Variants in SLIT3 observed in about 807,000 individuals in gnomAD.
SLIT3 encodes the protein slit homolog 3 protein.
A neutral mutation model predicts 184.0 loss-of-function variants in SLIT3; 68 were observed. The observed-to-expected ratio is 0.37, with a 90% CI of 0.30 to 0.45. The LOEUF is 0.45. Among genes scored for constraint, SLIT3 ranks in the 20% least tolerant of loss-of-function variants. The pLI is 1.00. For missense variants in SLIT3, 1,707 were observed against 2,026.0 expected (o/e 0.84, Z 3.02); for synonymous variants, 831 against 828.6 (o/e 1.00, Z -0.05).
chr5:169,300,650 C>A lies in SLIT3; in HGVS notation c.60G>T (p.Leu20Phe). The A allele has an allele frequency of 1.4e-6, 2 of 1,467,514 alleles. No individual in the cohort carries two copies. Among genetic ancestry groups the A allele is most frequent in the South Asian group, 1.3e-5 (1 of 75,896 alleles). 90.9% of individuals were successfully genotyped at this position (1,467,514 alleles called of 1,614,324 possible). A position where few individuals can be genotyped will look rare whatever the true frequency, so the allele number is the denominator to read the frequency against. Residue 20 changes from leucine to phenylalanine, a missense_variant, in exon 1 of 36, where the codon TTG becomes TTT. By Grantham distance (22) the Leu-to-Phe change is conservative. Coordinates refer to ENST00000519560, the MANE Select transcript of SLIT3 (RefSeq NM_003062.4). The surrounding 1 kb of genome is among the most constrained non-coding windows in gnomAD (Gnocchi z 4.1). ...AAVRARLALA[L>F]ALASVLSGPP... ...GCCCACTCAGGACGCTCGCCAGCGC[C>A]AAGGCCAGCGCCAGGCGGGCGCGCA...
chr5:169,101,233 T>A (rs1345929923), intron 4 of SLIT3, among the ~76,000 whole-genome samples: 1 of 152,158 alleles, frequency 6.6e-6, no homozygotes, highest in Non-Finnish European at 1.5e-5. Flanking sequence ...GCACAATATT[T>A]AGTCCAGAAG....
intron 20 of SLIT3, among the ~76,000 whole-genome samples, chr5:168,740,660 G>A (rs1763599728): frequency 6.6e-6 from 1 of 152,134 alleles, no homozygotes; most frequent in Admixed American, 6.5e-5. Flanking sequence ...TCCACCCCAG[G>A]AAGACGGTTT....
intron 4 of SLIT3, among the ~76,000 whole-genome samples, chr5:169,014,006 A>C (rs1276264981): frequency 6.6e-6 from 1 of 152,142 alleles, no homozygotes; most frequent in Admixed American, 6.5e-5. Context: ...GAGAAGGATA[A>C]AAGTCATAAA....
At chr5:169,104,731 G>A (rs1222544227) in intron 4 of SLIT3, among the ~76,000 whole-genome samples, 2 of 152,150 alleles carry the variant, frequency 1.3e-5, no homozygotes, top group East Asian at 3.9e-4. Flanking sequence ...TGGTCTCCTG[G>A]CAACCAAGGA....
At chr5:169,008,764 T>G (rs1336001548) in intron 4 of SLIT3, among the ~76,000 whole-genome samples, 1 of 152,176 alleles carries the variant, frequency 6.6e-6, no homozygotes, top group African/African-American at 2.4e-5. Context: ...CATCCTCTTT[T>G]TCAAATGGAA....
At chr5:169,073,136 C>T (rs978793118) in intron 4 of SLIT3, among the ~76,000 whole-genome samples, 5 of 152,208 alleles carry the variant, frequency 3.3e-5, no homozygotes, top group Non-Finnish European at 7.3e-5. Flanking sequence ...CCTTTTCATA[C>T]ACCGCCACCT....
At chr5:168,977,619 A>C (rs911261611) in intron 4 of SLIT3, among the ~76,000 whole-genome samples, 38 of 152,120 alleles carry the variant, frequency 2.5e-4, no homozygotes, top group Non-Finnish European at 5.3e-4. Flanking sequence ...ACTAGCGCTG[A>C]TGCCTGGGTC....
intron 4 of SLIT3, among the ~76,000 whole-genome samples, chr5:168,992,621 T>G (rs1411318155): frequency 1.3e-5 from 2 of 152,090 alleles, no homozygotes; most frequent in Non-Finnish European, 2.9e-5. Context: ...CTGGTCAGGT[T>G]GGAAAGGAAG....
intron 4 of SLIT3, among the ~76,000 whole-genome samples, chr5:168,998,728 C>T (rs1485337976): frequency 2.0e-5 from 3 of 151,784 alleles, no homozygotes; most frequent in Non-Finnish European, 4.4e-5. Context: ...CAAAACAAAA[C>T]AAAACAAAAC....
intron 5 of SLIT3, among the ~76,000 whole-genome samples, chr5:168,846,883 G>A (rs1452966937): frequency 6.6e-6 from 1 of 152,196 alleles, no homozygotes; most frequent in Non-Finnish European, 1.5e-5. Context: ...AATCTGCAGG[G>A]AAGAAGAAAA....
At chr5:169,232,514 C>T (rs536120669) in intron 3 of SLIT3, among the ~76,000 whole-genome samples, 2 of 152,282 alleles carry the variant, frequency 1.3e-5, no homozygotes, top group Admixed American at 1.3e-4. Flanking sequence ...CACAAACCAG[C>T]ACTCCCGGCC....
intron 15 of SLIT3, among the ~76,000 whole-genome samples, chr5:168,761,834 A>C (rs969564170): frequency 6.6e-6 from 1 of 150,426 alleles, no homozygotes; most frequent in Non-Finnish European, 1.5e-5. Flanking sequence ...GAATTCCTAG[A>C]CTCATGTGAT....
At chr5:168,986,863 A>G (rs548895265) in intron 4 of SLIT3, among the ~76,000 whole-genome samples, 2 of 152,282 alleles carry the variant, frequency 1.3e-5, no homozygotes, top group Admixed American at 6.5e-5. Flanking sequence ...TGTGGGTTTA[A>G]CTCATGATAT....
chr5:168,673,255 C>A lies in SLIT3; in HGVS notation c.3763G>T (p.Asp1255Tyr). ...CCCAGGCTCTTTGGAGTTCCTTTGT[C>A]CACTACTAGGTTCAGGGTCTGGTTT... ...TLNQTLNLVVDKGTPKSLGKL... is the reference protein window; with the variant it reads ...TLNQTLNLVVYKGTPKSLGKL... The change falls in exon 33 of 36, where the codon GAC becomes TAC. Residue 1255 changes from aspartate (D) to tyrosine (Y), a missense_variant. By Grantham distance (160) the Asp-to-Tyr change is radical. Around this residue, in one of 3 missense-constraint regions of SLIT3, gnomAD observed 387 missense variants for 477.9 expected, o/e 0.81. Coordinates refer to ENST00000519560, the MANE Select transcript of SLIT3 (RefSeq NM_003062.4). 6.2e-7 allele frequency: 1 copy of A among 1,614,104 alleles called. No individual in the cohort carries two copies. Among genetic ancestry groups the A allele is most frequent in the Non-Finnish European group, 8.5e-7 (1 of 1,180,030 alleles).
At chr5:169,150,272 C>T (rs988500146) in intron 4 of SLIT3, among the ~76,000 whole-genome samples, 5 of 152,126 alleles carry the variant, frequency 3.3e-5, no homozygotes, top group African/African-American at 7.2e-5. Flanking sequence ...AGGCACTTCA[C>T]GGCAGAGAAA....
intron 4 of SLIT3, among the ~76,000 whole-genome samples, chr5:169,005,105 AT>A (rs199503631): frequency 6.6e-6 from 1 of 152,202 alleles, no homozygotes; most frequent in Non-Finnish European, 1.5e-5. Context: ...GCAATAAAGT[AT>A]TTTTTATTAA....
chr5:168,993,680 A>AT (rs1460260432), intron 4 of SLIT3, among the ~76,000 whole-genome samples: 2 of 151,938 alleles, frequency 1.3e-5, no homozygotes, highest in African/African-American at 4.8e-5. Flanking sequence ...CAGGAAAAAA[A>AT]AAAAAACTCC....
chr5:169,086,004 T>G (rs931183264), intron 4 of SLIT3, among the ~76,000 whole-genome samples: 2 of 152,080 alleles, frequency 1.3e-5, no homozygotes, highest in Admixed American at 1.3e-4. Context: ...AAATCACTTT[T>G]CAGAGGCCCT....
intron 4 of SLIT3, among the ~76,000 whole-genome samples, chr5:168,914,462 C>T (rs554633943): frequency 4.6e-5 from 7 of 152,286 alleles, no homozygotes; most frequent in African/African-American, 1.7e-4. Context: ...AAATGCAGAG[C>T]ATATGCTAAA....
Sources: gnomAD v4.1 joint callset for allele counts (sites outside exome capture counted in the v4.1 genomes callset) on GRCh38, gnomAD v4.1.1 for gene constraint, gnomAD v4.1.1 regional missense constraint, Gnocchi (gnomAD v3.1) non-coding constraint, MANE v1.5 for transcripts, NCBI Gene and HGNC (gene_info 2026-07-23, HGNC 2026-07-21) for gene names.